GFRA1: variants seen among roughly 807,000 people sequenced by gnomAD.
The protein encoded by GFRA1 is GDNF family receptor alpha 1.
A neutral mutation model predicts 51.6 loss-of-function variants in GFRA1; 16 were observed. The ratio of observed to expected loss-of-function variants is 0.31; its 90% CI spans 0.21 to 0.47. The LOEUF is 0.47. Ranked by LOEUF, GFRA1 falls within the 20% of genes least tolerant of loss-of-function variation. The pLI, the probability that GFRA1 is intolerant of heterozygous loss-of-function variation, is 1.00. For synonymous variants in GFRA1, 270 were observed against 241.3 expected (o/e 1.12, Z -1.10); for missense variants, 530 against 594.3 (o/e 0.89, Z 1.13).
intron 2 of GFRA1, among the ~76,000 whole-genome samples, chr10:116,271,321 C>T (rs1349290331): frequency 6.6e-6 from 1 of 152,116 alleles, no homozygotes; most frequent in African/African-American, 2.4e-5. Flanking sequence ...CTCCCGGGCC[C>T]GCAAGGAAGA....
intron 5 of GFRA1, among the ~76,000 whole-genome samples, chr10:116,155,280 C>A (rs1959179488): frequency 6.6e-6 from 1 of 152,160 alleles, no homozygotes; most frequent in Non-Finnish European, 1.5e-5. Flanking sequence ...CTCTTGGGCT[C>A]TCATAACCTG....
chr10:116,148,981 G>C (rs1240227402), intron 5 of GFRA1, among the ~76,000 whole-genome samples: 1 of 152,098 alleles, frequency 6.6e-6, no homozygotes, highest in African/African-American at 2.4e-5. Flanking sequence ...TGGGTCTAAG[G>C]ACTGTTGTAC....
intron 4 of GFRA1, among the ~76,000 whole-genome samples, chr10:116,232,418 C>A (rs1966733426): frequency 6.6e-6 from 1 of 151,700 alleles, no homozygotes; most frequent in Non-Finnish European, 1.5e-5. Flanking sequence ...AATATCGAGG[C>A]ATTGTGTTTA....
At chr10:116,161,608 T>C (rs777527023) in intron 5 of GFRA1, among the ~76,000 whole-genome samples, 13 of 152,190 alleles carry the variant, frequency 8.5e-5, no homozygotes, top group Non-Finnish European at 1.9e-4. Context: ...GTTTCCCCCA[T>C]ACTGTTCTCT....
intron 6 of GFRA1, among the ~76,000 whole-genome samples, chr10:116,104,074 C>T (rs1243831913): frequency 6.6e-6 from 1 of 152,156 alleles, no homozygotes; most frequent in East Asian, 1.9e-4. Flanking sequence ...GCCCCAGGTG[C>T]AGATGCGCAA....
At chr10:116,141,665 C>T (rs1184242617) in intron 5 of GFRA1, among the ~76,000 whole-genome samples, 1 of 152,104 alleles carries the variant, frequency 6.6e-6, no homozygotes, top group African/African-American at 2.4e-5. Context: ...CTCACTGCAA[C>T]CTCCACCTCC....
At position 116,199,190 on chromosome 10, in the gene GFRA1, T is replaced by G. The variant is rs771795719; in HGVS notation, c.433+12441A>C. 8.7e-4 allele frequency among the ~76,000 whole-genome samples: 132 copies of G among 152,206 alleles called. 3 individuals are homozygous for G. The highest frequency in any genetic ancestry group is 2.2e-4 in the Non-Finnish European group (15 of 68,030). On this transcript the variant is annotated intron_variant, in intron 5 of 10. Coordinates refer to ENST00000355422, the MANE Select transcript of GFRA1 (RefSeq NM_005264.8). Reference sequence around the variant, plus strand: ...TTTCTGTTGCTTTACACCACCTCGTTTGTAATCCTTTATTATAGCATCCTA... The same window carrying G: ...TTTCTGTTGCTTTACACCACCTCGTGTGTAATCCTTTATTATAGCATCCTA...
At chr10:116,205,596 G>GAGATATAT (rs1964679507) in intron 5 of GFRA1, among the ~76,000 whole-genome samples, 22 of 140,604 alleles carry the variant, frequency 1.6e-4, no homozygotes, top group African/African-American at 4.1e-4. Context: ...AAAAAAAAAA[G>GAGATATAT]ATATATATAT....
intron 5 of GFRA1, among the ~76,000 whole-genome samples, chr10:116,188,382 A>G (rs1397947422): frequency 6.6e-6 from 1 of 152,230 alleles, no homozygotes; most frequent in African/African-American, 2.4e-5. Context: ...ATAGTTTATT[A>G]TTCCACTTAG....
intron 5 of GFRA1, among the ~76,000 whole-genome samples, chr10:116,155,525 A>G (rs1229291451): frequency 6.6e-6 from 1 of 152,224 alleles, no homozygotes; most frequent in Admixed American, 6.5e-5. Flanking sequence ...CAGAACAGAT[A>G]CATATTAATG....
At chr10:116,271,555 C>A (rs1388119325) in intron 2 of GFRA1, among the ~76,000 whole-genome samples, 1 of 152,158 alleles carries the variant, frequency 6.6e-6, no homozygotes, top group Non-Finnish European at 1.5e-5. Flanking sequence ...GGGCGCGGGG[C>A]AGGCCAGCCA....
chr10:116,261,489 A>AT (rs1969297595), intron 4 of GFRA1, among the ~76,000 whole-genome samples: 1 of 152,040 alleles, frequency 6.6e-6, no homozygotes, highest in African/African-American at 2.4e-5. Context: ...TCCTAGCTTC[A>AT]TTTTCTCTTT....
chr10:116,103,962 G>GGCTACGGA (rs1249717496), intron 6 of GFRA1, among the ~76,000 whole-genome samples: 2 of 152,190 alleles, frequency 1.3e-5, no homozygotes, highest in Admixed American at 6.5e-5. Flanking sequence ...CCTAGGAGTA[G>GGCTACGGA]GCTACGGAGC....
intron 4 of GFRA1, among the ~76,000 whole-genome samples, chr10:116,242,639 G>A (rs1472928760): frequency 1.3e-5 from 2 of 151,984 alleles, no homozygotes; most frequent in East Asian, 1.9e-4. Flanking sequence ...CCGCCTCCAC[G>A]CCTAGTTAAT....
chr10:116,152,445 C>A (rs1437457542), intron 5 of GFRA1, among the ~76,000 whole-genome samples: 4 of 152,274 alleles, frequency 2.6e-5, no homozygotes, highest in African/African-American at 9.6e-5. Flanking sequence ...CAAAGGGGAG[C>A]AGGTGGTGTC....
intron 9 of GFRA1, among the ~76,000 whole-genome samples, chr10:116,085,657 G>T (rs564946569): frequency 3.9e-4 from 59 of 152,222 alleles, no homozygotes; most frequent in Non-Finnish European, 7.9e-4. Flanking sequence ...CCACATTCTT[G>T]GGATGAAGGC....
Position 116,057,652 on chromosome 10 carries a change from C to G in GFRA1, c.*6746G>C, listed in dbSNP as rs1411394979. 6.6e-6 allele frequency: 1 copy of G among 152,018 alleles called. No individual in the cohort carries two copies. The highest frequency in any genetic ancestry group is 6.5e-5 in the Admixed American group (1 of 15,270). 9.4% of individuals were successfully genotyped at this position (152,018 alleles called of 1,614,324 possible). Reference sequence around the variant, plus strand: ...AAACTCTGCAGTGAAAAGTGTTTCCCCCACTCCCTTGGGCGAGGGAAGGGA... The same window carrying G: ...AAACTCTGCAGTGAAAAGTGTTTCCGCCACTCCCTTGGGCGAGGGAAGGGA... On this transcript the variant is annotated 3_prime_UTR_variant, in exon 11 of 11. Coordinates refer to ENST00000355422, the MANE Select transcript of GFRA1 (RefSeq NM_005264.8).
intron 4 of GFRA1, among the ~76,000 whole-genome samples, chr10:116,231,770 C>T (rs143891526): frequency 6.6e-6 from 1 of 152,264 alleles, no homozygotes; most frequent in East Asian, 1.9e-4. Flanking sequence ...ATTCTAACTA[C>T]AATATAAAAG....
chr10:116,161,824 G>C (rs993714337), intron 5 of GFRA1, among the ~76,000 whole-genome samples: 11 of 152,248 alleles, frequency 7.2e-5, no homozygotes, highest in African/African-American at 2.6e-4. Flanking sequence ...TGTTTTATTA[G>C]CGTGTGAAAA....
Sources: allele counts gnomAD v4.1 joint callset (sites outside exome capture counted in the v4.1 genomes callset), GRCh38; gene constraint gnomAD v4.1.1; transcripts MANE v1.5; gene names NCBI Gene and HGNC (gene_info 2026-07-23, HGNC 2026-07-21).